Variants in ARHGAP10 observed in about 807,000 individuals in gnomAD.
The protein encoded by ARHGAP10 is Rho GTPase activating protein 10.
A neutral mutation model predicts 108.6 loss-of-function variants in ARHGAP10; 87 were observed. That is an observed-to-expected ratio of 0.80 (90% CI 0.67 to 0.96). ARHGAP10 has a LOEUF of 0.96. ARHGAP10 is among the 40% of genes least tolerant of loss of function. The pLI, the probability that ARHGAP10 is intolerant of heterozygous loss-of-function variation, is 0.00. For missense variants in ARHGAP10, 939 were observed against 954.5 expected (o/e 0.98, Z 0.21); for synonymous variants, 347 against 341.1 (o/e 1.02, Z -0.19).
At chr4:148,028,638 A>G (rs1262006715) in intron 19 of ARHGAP10, among the ~76,000 whole-genome samples, 1 of 152,220 alleles carries the variant, frequency 6.6e-6, no homozygotes, top group Non-Finnish European at 1.5e-5. Flanking sequence ...ATTTTTCAGC[A>G]AGGGAGAAGA....
At chr4:147,886,969 T>G (rs1735594273) in intron 10 of ARHGAP10, among the ~76,000 whole-genome samples, 1 of 151,620 alleles carries the variant, frequency 6.6e-6, no homozygotes, top group African/African-American at 2.4e-5. Context: ...GAGTTTCAGT[T>G]TCACCTTGAA....
intron 14 of ARHGAP10, chr4:147,946,261 C>T: frequency 5.4e-6 from 1 of 184,762 alleles, no homozygotes; most frequent in Non-Finnish European, 1.1e-5. Context: ...ACTGAAAGTG[C>T]CGCTTGCTAT....
chr4:147,879,532 T>C (rs1258387699), intron 9 of ARHGAP10, among the ~76,000 whole-genome samples, 194 bp downstream of exon 9: 2 of 152,200 alleles, frequency 1.3e-5, no homozygotes, highest in Non-Finnish European at 2.9e-5. Context: ...CTGAATTACA[T>C]GCATGGGTTT....
chr4:147,850,764 C>G (rs1346024504), intron 4 of ARHGAP10, among the ~76,000 whole-genome samples: 1 of 152,170 alleles, frequency 6.6e-6, no homozygotes, highest in African/African-American at 2.4e-5. Flanking sequence ...CAGGTTGTTG[C>G]CTGATGCATC....
At position 148,023,381 on chromosome 4, in the gene ARHGAP10, C is replaced by A; in HGVS notation, c.1835C>A (p.Ala612Asp). ...RQGQRTKRPV[A>D]VYNLCLELED... ...GGCCAGAGAACCAAGAGGCCCGTGGCCGTCTACAATCTTTGTCTGGAGCTG... is the reference window on the plus strand; with the variant it reads ...GGCCAGAGAACCAAGAGGCCCGTGGACGTCTACAATCTTTGTCTGGAGCTG... The change falls in exon 19 of 23, where the codon GCC (alanine) becomes GAC (aspartate). Residue 612 changes from alanine (A) to aspartate (D), a missense_variant. Transcript: ENST00000336498. 1 of 1,614,006 alleles carries A rather than the reference C, an allele frequency of 6.2e-7. No individual in the cohort carries two copies. The highest frequency in any genetic ancestry group is 8.5e-7 in the Non-Finnish European group (1 of 1,179,906).
intron 20 of ARHGAP10, among the ~76,000 whole-genome samples, chr4:148,048,175 A>C (rs966722274): frequency 7.9e-5 from 12 of 152,258 alleles, no homozygotes; most frequent in Non-Finnish European, 1.5e-4. Flanking sequence ...CTTAAAATAA[A>C]TTATAGATAA....
intron 1 of ARHGAP10, among the ~76,000 whole-genome samples, chr4:147,786,601 G>A (rs1317579451): frequency 2.0e-5 from 3 of 152,190 alleles, no homozygotes; most frequent in Non-Finnish European, 4.4e-5. Flanking sequence ...AAGTTTTAAT[G>A]TTTCAAAGGA....
At chr4:147,953,291 G>C (rs1035025466) in intron 15 of ARHGAP10, among the ~76,000 whole-genome samples, 2 of 152,088 alleles carry the variant, frequency 1.3e-5, no homozygotes, top group African/African-American at 4.8e-5. Context: ...CACAGAATGA[G>C]TTAGAAATTA....
At chr4:147,773,763 C>T (rs1730172227) in intron 1 of ARHGAP10, among the ~76,000 whole-genome samples, 2 of 152,154 alleles carry the variant, frequency 1.3e-5, no homozygotes, top group Non-Finnish European at 2.9e-5. Context: ...TGATTCTCTA[C>T]CTTGGTTCTT....
In ARHGAP10 at chr4:147,732,203, T is replaced by G. The variant is rs1039912671; in HGVS notation, c.-99T>G. 9 of 1,285,622 alleles carry G rather than the reference T, an allele frequency of 7.0e-6. No individual in the cohort carries two copies. The highest frequency in any genetic ancestry group is 8.1e-6 in the Non-Finnish European group (8 of 986,654). The allele number at this position is 1,285,622 out of a possible 1,614,324, so 79.6% of individuals were successfully genotyped here. On this transcript the variant is annotated 5_prime_UTR_variant, in exon 1 of 23. Transcript: ENST00000336498. The stretch of plus-strand genomic sequence containing the variant: ...GCGCCCGGGCCTGCTAGCTCCTCTG[T>G]GCTCCCTGAACGCGCGGCGCCGCAC...
intron 4 of ARHGAP10, among the ~76,000 whole-genome samples, chr4:147,849,477 C>T (rs1733773333): frequency 6.6e-6 from 1 of 152,172 alleles, no homozygotes; most frequent in Non-Finnish European, 1.5e-5. Flanking sequence ...ACTTTACTCT[C>T]TTAGGTTAAA....
At chr4:148,019,015 G>A (rs1247364655) in intron 18 of ARHGAP10, among the ~76,000 whole-genome samples, 1 of 152,178 alleles carries the variant, frequency 6.6e-6, no homozygotes, top group Non-Finnish European at 1.5e-5. Context: ...CAATGAATTA[G>A]GAAGTAATTT....
Position 147,875,273 on chromosome 4 carries a change from C to G in ARHGAP10, c.832+123C>G, listed in dbSNP as rs533776222. 1.1e-5 allele frequency: 12 copies of G among 1,087,462 alleles called. No individual in the cohort carries two copies. The South Asian group carries it at 1.9e-4, about 18-fold the overall frequency. The allele number at this position is 1,087,462 out of a possible 1,614,324, so 67.4% of individuals were successfully genotyped here. A position where few individuals can be genotyped will look rare whatever the true frequency, so the allele number is the denominator to read the frequency against. Reference sequence around the variant, plus strand: ...ATTCCTACCTCTTTCTCTCCCTGCTCCTATCACCTAATGGGTGTATATTTC... The same window carrying G: ...ATTCCTACCTCTTTCTCTCCCTGCTGCTATCACCTAATGGGTGTATATTTC... On this transcript the variant is annotated intron_variant, in intron 8 of 22. Transcript: ENST00000336498.
chr4:147,769,802 C>T lies in ARHGAP10; in HGVS notation c.154+37347C>T, dbSNP rs577018723. 2.0e-5 allele frequency among the ~76,000 whole-genome samples: 3 copies of T among 152,214 alleles called. No homozygotes were observed. The East Asian group carries it at 5.8e-4, about 29-fold the overall frequency. On this transcript the variant is annotated intron_variant, in intron 1 of 22. Transcript: ENST00000336498. ...ATACTATCATGGAACCTGTTTTCTC[C>T]TGTACCCTGGTTTTAAAACCAGTGG... is the stretch of plus-strand genomic sequence containing the variant.
intron 5 of ARHGAP10, 165 bp from the exon 6 acceptor site, chr4:147,864,681 C>T: frequency 1.8e-6 from 1 of 561,794 alleles, no homozygotes; most frequent in Non-Finnish European, 3.1e-6. Flanking sequence ...AAAGTAGCTG[C>T]AGACAATACA....
intron 1 of ARHGAP10, among the ~76,000 whole-genome samples, chr4:147,770,491 C>T (rs1179248035): frequency 1.3e-5 from 2 of 152,222 alleles, no homozygotes; most frequent in African/African-American, 4.8e-5. Flanking sequence ...TGCTACTGCA[C>T]TCCAGCCTGG....
chr4:147,949,340 T>C (rs1418224363), intron 15 of ARHGAP10, among the ~76,000 whole-genome samples: 1 of 152,240 alleles, frequency 6.6e-6, no homozygotes, highest in African/African-American at 2.4e-5. Flanking sequence ...TCCCTGAAGA[T>C]AGGCATCTTT....
chr4:147,870,566 T>C (rs1012353772), intron 7 of ARHGAP10, among the ~76,000 whole-genome samples: 2 of 125,972 alleles, frequency 1.6e-5, no homozygotes, highest in African/African-American at 3.2e-5. Context: ...GCTAGACTTT[T>C]TTTTTTTTTT....
intron 22 of ARHGAP10, 38 bp from the exon 23 acceptor site, chr4:148,071,955 G>A: frequency 6.3e-7 from 1 of 1,585,712 alleles, no homozygotes; most frequent in Non-Finnish European, 8.6e-7. Flanking sequence ...AAGTACTTGG[G>A]GGCATTTTGT....
Sources: gnomAD v4.1 joint callset for allele counts (sites outside exome capture counted in the v4.1 genomes callset) on GRCh38, gnomAD v4.1.1 for gene constraint, MANE v1.5 for transcripts, NCBI Gene and HGNC (gene_info 2026-07-23, HGNC 2026-07-21) for gene names.